The following GIPC2 variants were observed in gnomAD, a reference collection of about 807,000 sequenced individuals.
GIPC2 encodes GIPC PDZ domain containing family member 2.
Under a neutral mutation model 30.6 loss-of-function variants are expected in GIPC2, and 30 were observed. That is an observed-to-expected ratio of 0.98 (90% CI 0.73 to 1.33). The LOEUF is 1.33. Among genes scored for constraint, GIPC2 ranks in the 40% most tolerant of loss-of-function variants. GIPC2 has a pLI of 0.00. For missense variants in GIPC2, 414 were observed against 390.3 expected (o/e 1.06, Z -0.51); for synonymous variants, 167 against 150.0 (o/e 1.11, Z -0.83).
intron 3 of GIPC2, 68 bp downstream of exon 3, chr1:78,095,200 A>G (rs1216424948): frequency 1.9e-6 from 2 of 1,065,666 alleles, no homozygotes; most frequent in Non-Finnish European, 2.9e-6. Flanking sequence ...TCTAAGGGAA[A>G]TGAGTACTGT....
At chr1:78,091,953 G>GAAGAA in intron 2 of GIPC2, 1 of 1,054,212 alleles carries the variant, frequency 9.5e-7, no homozygotes, top group Non-Finnish European at 1.5e-6. Flanking sequence ...GGTCATTTTT[G>GAAGAA]CTTCTTCTTC....
rs531022734 is a variant in GIPC2 at position 78,048,535 on chromosome 1, T to G, written c.240+2201T>G. On this transcript the variant is annotated intron_variant, in intron 1 of 5. Coordinates refer to ENST00000370759, the MANE Select transcript of GIPC2 (RefSeq NM_017655.6). Reference sequence around the variant, plus strand: ...TCAAACTCCTAGGCTCAAGCAATCCTCCTGCTTCACCCTCCCAAGTAGCTG... The same window carrying G: ...TCAAACTCCTAGGCTCAAGCAATCCGCCTGCTTCACCCTCCCAAGTAGCTG... Among the ~76,000 whole-genome samples the G allele has an allele frequency of 2.6e-5, 4 of 152,190 alleles. No individual in the cohort carries two copies. In the South Asian group the frequency reaches 8.3e-4, roughly 32 times the overall value.
intron 1 of GIPC2, among the ~76,000 whole-genome samples, chr1:78,065,191 T>C (rs1365217402): frequency 6.6e-6 from 1 of 152,216 alleles, no homozygotes; most frequent in South Asian, 2.1e-4. Flanking sequence ...CCAGGGTTAG[T>C]CTTACAGGAC....
At position 78,070,678 on chromosome 1, in the gene GIPC2, G is replaced by T. The variant is rs528911690; in HGVS notation, c.241-9997G>T. 1.8e-3 allele frequency among the ~76,000 whole-genome samples: 276 copies of T among 152,042 alleles called. 1 individual carries two copies. Among genetic ancestry groups the T allele is most frequent in the African/African-American group, 5.9e-3 (245 of 41,488 alleles). On this transcript the variant is annotated intron_variant, in intron 1 of 5. Transcript: ENST00000370759. ...ATTGCTTTGGGATTTTGATTTTCTT[G>T]GATACACAGTTCCCTTTATTATATT...
intron 3 of GIPC2, among the ~76,000 whole-genome samples, chr1:78,116,071 G>A (rs901659661): frequency 3.9e-5 from 6 of 152,152 alleles, no homozygotes; most frequent in African/African-American, 1.4e-4. Flanking sequence ...CACATGGCTG[G>A]GGAGGCCTCA....
At chr1:78,109,305 A>G (rs1662418605) in intron 3 of GIPC2, among the ~76,000 whole-genome samples, 1 of 152,218 alleles carries the variant, frequency 6.6e-6, no homozygotes, top group Non-Finnish European at 1.5e-5. Flanking sequence ...CTTGTGTCCC[A>G]TATCTGAAGC....
At chr1:78,118,755 A>G (rs1331192092) in intron 3 of GIPC2, among the ~76,000 whole-genome samples, 6 of 152,140 alleles carry the variant, frequency 3.9e-5, no homozygotes, top group African/African-American at 7.2e-5. Context: ...TCAGGAAAGC[A>G]TATGAACTTT....
chr1:78,099,989 T>C (rs1033623178), intron 3 of GIPC2, among the ~76,000 whole-genome samples: 3 of 152,196 alleles, frequency 2.0e-5, no homozygotes, highest in Non-Finnish European at 4.4e-5. Flanking sequence ...AAGGGCCTTA[T>C]ATATGAAGAC....
intron 3 of GIPC2, among the ~76,000 whole-genome samples, chr1:78,102,048 T>C (rs1329351671): frequency 2.6e-5 from 4 of 152,212 alleles, no homozygotes; most frequent in Non-Finnish European, 5.9e-5. Flanking sequence ...GCGTGCCCTT[T>C]ATGGAAAGAG....
chr1:78,057,611 T>G (rs1661320348), intron 1 of GIPC2, among the ~76,000 whole-genome samples: 1 of 152,220 alleles, frequency 6.6e-6, no homozygotes, highest in Non-Finnish European at 1.5e-5. Context: ...GTGTGTACCA[T>G]GTCAAAAAAG....
rs796627730 is a variant in GIPC2, at chr1:78,093,455, A to C, written c.427-1497A>C. 2.2e-4 allele frequency among the ~76,000 whole-genome samples: 33 copies of C among 152,370 alleles called. 1 individual carries two copies. Among genetic ancestry groups the C allele is most frequent in the African/African-American group, 7.5e-4 (31 of 41,590 alleles). On this transcript the variant is annotated intron_variant, in intron 2 of 5. Coordinates refer to ENST00000370759, the MANE Select transcript of GIPC2 (RefSeq NM_017655.6). ...CATTATTGTGACATTTGCATATAGC[A>C]TGTTAACAGCCACTATTAGAATGAA...
intron 3 of GIPC2, among the ~76,000 whole-genome samples, chr1:78,106,549 G>A (rs991239597): frequency 6.6e-6 from 1 of 152,058 alleles, no homozygotes; most frequent in African/African-American, 2.4e-5. Flanking sequence ...AACAGAGCAA[G>A]ACTCCATCTC....
At chr1:78,112,726 T>C (rs2100414717) in intron 3 of GIPC2, among the ~76,000 whole-genome samples, 1 of 152,344 alleles carries the variant, frequency 6.6e-6, no homozygotes, top group Non-Finnish European at 1.5e-5. Context: ...GCACAGGCTG[T>C]TGGGAGGAAG....
chr1:78,120,790 A>G (rs1316946850), intron 4 of GIPC2, among the ~76,000 whole-genome samples: 2 of 152,106 alleles, frequency 1.3e-5, no homozygotes, highest in Non-Finnish European at 2.9e-5. Flanking sequence ...ACCTGCCGCC[A>G]TGATTCAGTT....
chr1:78,072,782 T>G (rs1471952037), intron 1 of GIPC2, among the ~76,000 whole-genome samples: 2 of 152,098 alleles, frequency 1.3e-5, no homozygotes, highest in Admixed American at 1.3e-4. Context: ...TACTAACTCC[T>G]GAGGAAAGTA....
intron 3 of GIPC2, among the ~76,000 whole-genome samples, chr1:78,105,256 C>G (rs904775764): frequency 1.3e-5 from 2 of 151,550 alleles, no homozygotes; most frequent in African/African-American, 4.8e-5. Context: ...AAGACATTTA[C>G]CCTAAACAGT....
intron 4 of GIPC2, among the ~76,000 whole-genome samples, chr1:78,119,871 G>A (rs192739906): frequency 3.9e-5 from 6 of 152,286 alleles, no homozygotes; most frequent in African/African-American, 1.4e-4. Context: ...TAAAACACCT[G>A]TAGTCATCTT....
chr1:78,075,729 T>C (rs747940593), intron 1 of GIPC2, among the ~76,000 whole-genome samples: 6 of 152,242 alleles, frequency 3.9e-5, no homozygotes, highest in East Asian at 1.9e-4. Flanking sequence ...CTATATCTTA[T>C]AAGCTGGCAT....
In GIPC2 at chr1:78,046,354, G is replaced by A. The variant is rs946136644; in HGVS notation, c.240+20G>A. 1.9e-6 allele frequency: 3 copies of A among 1,586,784 alleles called. No homozygotes were observed. Among genetic ancestry groups the A allele is most frequent in the African/African-American group, 1.3e-5 (1 of 74,104 alleles). On this transcript the variant is annotated intron_variant, in intron 1 of 5. Transcript: ENST00000370759. Reference sequence around the variant, plus strand: ...TCGGAGGTAAGGCGCCAGGTGCTCAGGCTCTCCCGCCTCTCCGCCGCGCCG... The same window carrying A: ...TCGGAGGTAAGGCGCCAGGTGCTCAAGCTCTCCCGCCTCTCCGCCGCGCCG...
Sources: allele counts gnomAD v4.1 joint callset (sites outside exome capture counted in the v4.1 genomes callset), GRCh38; gene constraint gnomAD v4.1.1; transcripts MANE v1.5; gene names NCBI Gene and HGNC (gene_info 2026-07-23, HGNC 2026-07-21).